TSC22D1: variants seen among roughly 807,000 people sequenced by gnomAD.
TSC22D1 encodes the protein TSC22 domain family protein 1.
TSC22D1 carries 9 observed loss-of-function variants against 74.2 expected under a neutral mutation model. The observed-to-expected ratio is 0.12, with a 90% CI of 0.07 to 0.21. The LOEUF is 0.21. Ranked by LOEUF, TSC22D1 falls within the 10% of genes least tolerant of loss-of-function variation. The probability of loss-of-function intolerance (pLI) is 1.00; values close to 1 mark genes in which losing one functional copy is unlikely to be tolerated. For synonymous variants in TSC22D1, 586 were observed against 492.5 expected (o/e 1.19, Z -2.51); for missense variants, 1,427 against 1,304.7 (o/e 1.09, Z -1.44).
intron 1 of TSC22D1, among the ~76,000 whole-genome samples, chr13:44,550,305 G>A (rs558582110): frequency 1.2e-4 from 18 of 152,228 alleles, no homozygotes; most frequent in Non-Finnish European, 2.5e-4. Flanking sequence ...TAAAGCAGCC[G>A]GGCACGGTGG....
chr13:44,461,710 A>G (rs1877005008), intron 1 of TSC22D1, among the ~76,000 whole-genome samples: 2 of 152,110 alleles, frequency 1.3e-5, no homozygotes, highest in South Asian at 4.1e-4. Context: ...GCAGATAAAT[A>G]CTCATTCAGA....
intron 1 of TSC22D1, among the ~76,000 whole-genome samples, chr13:44,477,484 G>A (rs1260105020): frequency 6.6e-6 from 1 of 151,816 alleles, no homozygotes; most frequent in Non-Finnish European, 1.5e-5. Context: ...GCATTTAAAC[G>A]TCTAATTCTG....
Position 44,517,857 on chromosome 13 carries a change from A to ATT in TSC22D1, c.2912+55304_2912+55305dup, listed in dbSNP as rs71070912. On this transcript the variant is annotated intron_variant, in intron 1 of 2. Transcript: ENST00000458659. ...TATATATATATATATATATATATAT[A>ATT]TTTTTTTTTTTTTTTTTTTTTTAAC... is the stretch of plus-strand genomic sequence containing the variant. Among the ~76,000 whole-genome samples the ATT allele has an allele frequency of 3.5e-3, 57 of 16,176 alleles. 8 individuals carry two copies. The highest frequency in any genetic ancestry group is 9.6e-3 in the African/African-American group (53 of 5,494). The allele number at this position is 16,176 out of a possible 152,430, so 10.6% of individuals were successfully genotyped here. A position where few individuals can be genotyped will look rare whatever the true frequency, so the allele number is the denominator to read the frequency against.
rs150242266 is a variant in TSC22D1, at chr13:44,433,261, A to G, written c.*1365T>C. 5.4e-4 allele frequency: 82 copies of G among 152,388 alleles called. No individual in the cohort carries two copies. The highest frequency in any genetic ancestry group is 1.9e-3 in the African/African-American group (78 of 41,588). The allele number at this position is 152,388 out of a possible 1,614,324, so 9.4% of individuals were successfully genotyped here. A position where few individuals can be genotyped will look rare whatever the true frequency, so the allele number is the denominator to read the frequency against. On this transcript the variant is annotated 3_prime_UTR_variant, in exon 3 of 3. Transcript: ENST00000458659. ...AAGAGATCATCTCTTTCAAACCCCT[A>G]CATCCGTCCAGGAGTGAAGCAACCT...
intron 1 of TSC22D1, among the ~76,000 whole-genome samples, chr13:44,523,035 G>C (rs1163227964): frequency 7.5e-6 from 1 of 133,210 alleles, no homozygotes; most frequent in Non-Finnish European, 1.6e-5. Context: ...AGATAATAGA[G>C]AAAAAAAAAA....
At chr13:44,538,989 C>A in intron 1 of TSC22D1, 1 of 985,382 alleles carries the variant, frequency 1.0e-6, no homozygotes, top group Non-Finnish European at 1.2e-6. Flanking sequence ...CCAAAGGTAA[C>A]AAGTTCACAT....
chr13:44,552,754 C>T (rs1026338216), intron 1 of TSC22D1, among the ~76,000 whole-genome samples: 3 of 152,012 alleles, frequency 2.0e-5, no homozygotes, highest in East Asian at 3.9e-4. Flanking sequence ...TTTGGGAGGC[C>T]GAGGCAGGCG....
chr13:44,459,359 T>A (rs1209749656), intron 1 of TSC22D1, among the ~76,000 whole-genome samples: 1 of 152,158 alleles, frequency 6.6e-6, no homozygotes, highest in Non-Finnish European at 1.5e-5. Flanking sequence ...CTACCCACTA[T>A]GGATATCCTC....
chr13:44,512,120 A>G (rs1216570950), intron 1 of TSC22D1, among the ~76,000 whole-genome samples: 1 of 152,014 alleles, frequency 6.6e-6, no homozygotes, highest in African/African-American at 2.4e-5. Context: ...TTGAACGCCC[A>G]CTGGCCATCT....
At chr13:44,557,458 T>TCAAAA (rs1405837887) in intron 1 of TSC22D1, among the ~76,000 whole-genome samples, 2 of 152,332 alleles carry the variant, frequency 1.3e-5, no homozygotes, top group East Asian at 1.9e-4. Flanking sequence ...AGACTCCGTC[T>TCAAAA]CAAAACAAAA....
intron 1 of TSC22D1, among the ~76,000 whole-genome samples, chr13:44,540,568 G>A (rs894632971): frequency 6.6e-6 from 1 of 152,068 alleles, no homozygotes; most frequent in Non-Finnish European, 1.5e-5. Context: ...GCAGAATAGT[G>A]GATATAGGCA....
chr13:44,565,883 T>G (rs2138217344), intron 1 of TSC22D1, among the ~76,000 whole-genome samples: 1 of 152,318 alleles, frequency 6.6e-6, no homozygotes, highest in South Asian at 2.1e-4. Flanking sequence ...ACATGTTTTG[T>G]ATTTCTGAAG....
intron 1 of TSC22D1, among the ~76,000 whole-genome samples, chr13:44,499,563 C>T (rs1879130533): frequency 6.6e-6 from 1 of 152,146 alleles, no homozygotes. Flanking sequence ...GCATGAAGCA[C>T]AACTATAAAC....
intron 1 of TSC22D1, among the ~76,000 whole-genome samples, chr13:44,511,436 G>A (rs1470455768): frequency 6.6e-6 from 1 of 152,122 alleles, no homozygotes; most frequent in Non-Finnish European, 1.5e-5. Flanking sequence ...AGCTATGAAC[G>A]TCATAAAACA....
At chr13:44,454,393 G>A (rs1329812894) in intron 1 of TSC22D1, among the ~76,000 whole-genome samples, 1 of 151,910 alleles carries the variant, frequency 6.6e-6, no homozygotes, top group Non-Finnish European at 1.5e-5. Context: ...CAACATCTAT[G>A]TAAGTTAGGA....
Position 44,552,242 on chromosome 13 carries a change from T to C in TSC22D1, c.2912+20921A>G, listed in dbSNP as rs1273364842. The stretch of plus-strand genomic sequence containing the variant: ...TTTTGACAACCCTTTCTGTACTTCA[T>C]ATTTCATTTTTCTGATAAGCATAAC... On this transcript the variant is annotated intron_variant, in intron 1 of 2. Coordinates refer to ENST00000458659, the MANE Select transcript of TSC22D1 (RefSeq NM_183422.4). Among the ~76,000 whole-genome samples the C allele has an allele frequency of 1.2e-4, 18 of 152,218 alleles. 1 individual carries two copies. The highest frequency in any genetic ancestry group is 1.2e-3 in the Admixed American group (18 of 15,286).
chr13:44,547,990 G>A (rs1881943199), intron 1 of TSC22D1, among the ~76,000 whole-genome samples: 1 of 152,020 alleles, frequency 6.6e-6, no homozygotes. Flanking sequence ...TATATATATT[G>A]CCTCATTCAA....
At chr13:44,478,095 A>G (rs1878008617) in intron 1 of TSC22D1, among the ~76,000 whole-genome samples, 1 of 152,056 alleles carries the variant, frequency 6.6e-6, no homozygotes, top group Non-Finnish European at 1.5e-5. Context: ...TAATGTCTAT[A>G]GATTCCTTGG....
At chr13:44,440,307 G>A (rs933266900) in intron 1 of TSC22D1, among the ~76,000 whole-genome samples, 7 of 152,190 alleles carry the variant, frequency 4.6e-5, no homozygotes, top group African/African-American at 9.7e-5. Context: ...GCGCGAGCGC[G>A]ATGGCTCATG....
Sources: gnomAD v4.1 joint callset for allele counts (sites outside exome capture counted in the v4.1 genomes callset) on GRCh38, gnomAD v4.1.1 for gene constraint, MANE v1.5 for transcripts, NCBI Gene and HGNC (gene_info 2026-07-23, HGNC 2026-07-21) for gene names.